The following TGFBR3 variants were observed in gnomAD, a reference collection of about 807,000 sequenced individuals.
TGFBR3 encodes transforming growth factor beta receptor type 3.
TGFBR3 carries 46 observed loss-of-function variants against 87.9 expected under a neutral mutation model. The observed-to-expected ratio is 0.52, with a 90% CI of 0.41 to 0.67. The LOEUF (loss-of-function observed/expected upper bound fraction) is 0.67, where lower values mean the gene tolerates loss of function less well. Among genes scored for constraint, TGFBR3 ranks in the 30% least tolerant of loss-of-function variants. TGFBR3 has a pLI of 0.00. For missense variants in TGFBR3, 866 were observed against 1,041.9 expected (o/e 0.83, Z 2.32); for synonymous variants, 381 against 391.6 (o/e 0.97, Z 0.32).
chr1:91,698,029 C>A, intron 15 of TGFBR3, 60 bp downstream of exon 15: 1 of 1,522,948 alleles, frequency 6.6e-7, no homozygotes, highest in South Asian at 1.1e-5. Flanking sequence ...GTTCACTAAC[C>A]AACTCATTCT....
At chr1:91,713,546 G>A (rs984235519) in intron 12 of TGFBR3, among the ~76,000 whole-genome samples, 8 of 152,130 alleles carry the variant, frequency 5.3e-5, no homozygotes, top group East Asian at 1.9e-4. Flanking sequence ...ACCAACAGCC[G>A]CAGAATCATT....
intron 3 of TGFBR3, among the ~76,000 whole-genome samples, chr1:91,789,559 C>T (rs562635033): frequency 3.3e-5 from 5 of 152,318 alleles, no homozygotes; most frequent in African/African-American, 9.6e-5. Flanking sequence ...TTGGTAGGAA[C>T]GTTTTAACTT....
chr1:91,771,233 A>AT (rs1375834329), intron 3 of TGFBR3, among the ~76,000 whole-genome samples: 1 of 152,178 alleles, frequency 6.6e-6, no homozygotes, highest in Admixed American at 6.5e-5. Context: ...CAGAAACTGA[A>AT]TGGCTACTAT....
At chr1:91,776,567 G>C (rs560289455) in intron 3 of TGFBR3, among the ~76,000 whole-genome samples, 4 of 152,102 alleles carry the variant, frequency 2.6e-5, no homozygotes, top group African/African-American at 9.6e-5. Context: ...TCCCTTCCAG[G>C]GGTGTTGAAA....
intron 4 of TGFBR3, among the ~76,000 whole-genome samples, chr1:91,756,918 A>C (rs1439552728): frequency 1.3e-5 from 2 of 152,226 alleles, no homozygotes; most frequent in Non-Finnish European, 2.9e-5. Context: ...AAAGAGTATT[A>C]AGTATGTTTC....
intron 2 of TGFBR3, among the ~76,000 whole-genome samples, chr1:91,824,445 GAGAC>G (rs1460167551): frequency 2.0e-5 from 3 of 152,182 alleles, no homozygotes; most frequent in South Asian, 2.1e-4. Flanking sequence ...TGAGGCCAGA[GAGAC>G]AGACAGCCGA....
intron 1 of TGFBR3, among the ~76,000 whole-genome samples, chr1:91,878,936 T>G (rs531732251): frequency 1.3e-5 from 2 of 152,166 alleles, no homozygotes; most frequent in Non-Finnish European, 2.9e-5. Flanking sequence ...GAGCTAACAT[T>G]TCAGACTTAA....
At chr1:91,773,342 C>G (rs1229866977) in intron 3 of TGFBR3, among the ~76,000 whole-genome samples, 1 of 151,852 alleles carries the variant, frequency 6.6e-6, no homozygotes, top group Non-Finnish European at 1.5e-5. Context: ...AATCTAGAGC[C>G]TATGGTTCTT....
intron 16 of TGFBR3, among the ~76,000 whole-genome samples, chr1:91,688,313 A>G (rs552537567): frequency 1.3e-5 from 2 of 152,288 alleles, no homozygotes; most frequent in African/African-American, 4.8e-5. Context: ...AAATCTGATA[A>G]TAACTAAGAA....
In TGFBR3 at chr1:91,708,729, T is replaced by C. The variant is rs367749656; in HGVS notation, c.2221A>G (p.Met741Val). Residue 741 changes from methionine to valine, a missense_variant, in exon 14 of 17, where the codon ATG becomes GTG. Coordinates refer to ENST00000212355, the MANE Select transcript of TGFBR3 (RefSeq NM_003243.5). ...GTGAACGTCTTCTTATTCTGCATCA[T>C]GGCCCAGATTATCGAGGCGTCCAGC... ...TSLDASIIWA[M>V]MQNKKTFTKP... is the part of the protein sequence containing the mutation. 2 of 1,614,090 alleles carry C rather than the reference T, an allele frequency of 1.2e-6. No homozygotes were observed. Among genetic ancestry groups the C allele is most frequent in the Non-Finnish European group, 1.7e-6 (2 of 1,179,984 alleles).
chr1:91,780,004 A>C (rs541127815), intron 3 of TGFBR3, among the ~76,000 whole-genome samples: 1 of 152,228 alleles, frequency 6.6e-6, no homozygotes, highest in Admixed American at 6.5e-5. Context: ...CTCTGCCTGC[A>C]TGGTCACACA....
intron 3 of TGFBR3, among the ~76,000 whole-genome samples, chr1:91,775,003 A>G (rs905343542): frequency 1.3e-5 from 2 of 152,072 alleles, no homozygotes; most frequent in Admixed American, 1.3e-4. Flanking sequence ...TCTACTCCAA[A>G]TGTTTGTTAT....
chr1:91,786,551 G>C (rs1674969171), intron 3 of TGFBR3, among the ~76,000 whole-genome samples: 1 of 152,136 alleles, frequency 6.6e-6, no homozygotes, highest in African/African-American at 2.4e-5. Context: ...AGGAGTTCAA[G>C]ACCAGCCTGG....
In TGFBR3 at chr1:91,891,588, A is replaced by T. The variant is rs138064040; in HGVS notation, c.-114+8049T>A. Among the ~76,000 whole-genome samples the T allele has an allele frequency of 4.1e-4, 63 of 152,242 alleles. No individual in the cohort carries two copies. In the East Asian group the frequency reaches 0.01, roughly 25 times the overall value. ...GAAGAACTATTACCCCACCACCACC[A>T]CATAAAAATAGATTCCTTTCACTAA... is the stretch of plus-strand genomic sequence containing the variant. On this transcript the variant is annotated intron_variant, in intron 2 of 17. Transcript: ENST00000370399.
intron 2 of TGFBR3, among the ~76,000 whole-genome samples, chr1:91,810,213 C>T (rs903585919): frequency 6.6e-6 from 1 of 152,078 alleles, no homozygotes; most frequent in African/African-American, 2.4e-5. Context: ...TGTGTGCCAC[C>T]ACACCAGCTC....
chr1:91,808,626 C>T (rs1006005686), intron 2 of TGFBR3, among the ~76,000 whole-genome samples: 11 of 152,074 alleles, frequency 7.2e-5, no homozygotes, highest in African/African-American at 2.2e-4. Flanking sequence ...CCACCACACC[C>T]GGCTAATTTT....
At chr1:91,829,152 G>A (rs1257385972) in intron 2 of TGFBR3, among the ~76,000 whole-genome samples, 1 of 152,090 alleles carries the variant, frequency 6.6e-6, no homozygotes, top group African/African-American at 2.4e-5. Context: ...GAGGTGGGCA[G>A]ATCACTTGAG....
At chr1:91,776,014 C>T (rs551557605) in intron 3 of TGFBR3, among the ~76,000 whole-genome samples, 77 of 152,342 alleles carry the variant, frequency 5.1e-4, no homozygotes, top group Non-Finnish European at 8.5e-4. Context: ...ATGTTAATAA[C>T]AGGGTGCCCT....
intron 2 of TGFBR3, among the ~76,000 whole-genome samples, chr1:91,837,130 G>A (rs1677093095): frequency 6.6e-6 from 1 of 152,056 alleles, no homozygotes; most frequent in African/African-American, 2.4e-5. Context: ...ACATTTTTAA[G>A]TCTGTATTTG....
Sources: allele counts gnomAD v4.1 joint callset (sites outside exome capture counted in the v4.1 genomes callset), GRCh38; gene constraint gnomAD v4.1.1; transcripts MANE v1.5; gene names NCBI Gene and HGNC (gene_info 2026-07-23, HGNC 2026-07-21).